DHRSX: variants seen among roughly 807,000 people sequenced by gnomAD.
DHRSX encodes polyprenol dehydrogenase.
A neutral mutation model predicts 34.0 loss-of-function variants in DHRSX; 31 were observed. The observed-to-expected ratio is 0.91, with a 90% CI of 0.69 to 1.23. The LOEUF (loss-of-function observed/expected upper bound fraction) is 1.23. Among genes scored for constraint, DHRSX ranks in the 50% most tolerant of loss-of-function variants. DHRSX has a pLI of 0.00. For synonymous variants in DHRSX, 201 were observed against 183.8 expected (o/e 1.09, Z -0.76); for missense variants, 414 against 428.1 (o/e 0.97, Z 0.29).
intron 5 of DHRSX, chrX:2,261,879 G>A (rs1456280826): frequency 1.3e-5 from 2 of 152,212 alleles, no homozygotes; most frequent in African/African-American, 4.8e-5. Flanking sequence ...GCTGTACGAG[G>A]AAGGGGTGTT....
At position 2,468,919 on chromosome X, in the gene DHRSX, G is replaced by C. The variant is rs1313940840; in HGVS notation, c.109+31898C>G. ...ATAAGGCCAAGTGACCGCTGCCGTT[G>C]CACACTGAAGACGTTCCCTAAGTAT... is the stretch of plus-strand genomic sequence containing the variant. On this transcript the variant is annotated intron_variant, in intron 1 of 6. Transcript: ENST00000334651. Among the ~76,000 whole-genome samples the C allele has an allele frequency of 2.2e-5, 3 of 138,980 alleles. No homozygotes were observed. The East Asian group carries it at 6.9e-4, about 32-fold the overall frequency. 91.2% of individuals were successfully genotyped at this position (138,980 alleles called of 152,430 possible). A position where few individuals can be genotyped will look rare whatever the true frequency, so the allele number is the denominator to read the frequency against.
At chrX:2,283,997 A>AATTC (rs201923772) in intron 4 of DHRSX, among the ~76,000 whole-genome samples, 2 of 129,926 alleles carry the variant, frequency 1.5e-5, no homozygotes, top group African/African-American at 7.0e-5. Flanking sequence ...CATTCCTTTG[A>AATTC]ATTCATTCAT....
chrX:2,306,336 C>A (rs1476368768), intron 3 of DHRSX, among the ~76,000 whole-genome samples: 3 of 152,066 alleles, frequency 2.0e-5, no homozygotes, highest in Non-Finnish European at 4.4e-5. Flanking sequence ...TCAAGCCCTG[C>A]AGCAGGGGAA....
chrX:2,325,230 T>A (rs765792281), intron 3 of DHRSX, among the ~76,000 whole-genome samples: 2 of 151,890 alleles, frequency 1.3e-5, no homozygotes, highest in Non-Finnish European at 2.9e-5. Context: ...CGGCTCCATC[T>A]TCCCGGGAGG....
At chrX:2,373,256 C>A (rs757462712) in intron 3 of DHRSX, among the ~76,000 whole-genome samples, 1 of 152,336 alleles carries the variant, frequency 6.6e-6, no homozygotes, top group African/African-American at 2.4e-5. Flanking sequence ...AGGTGGGAAT[C>A]ATTACAATTC....
intron 3 of DHRSX, among the ~76,000 whole-genome samples, chrX:2,316,166 C>A (rs1372299417): frequency 2.6e-5 from 4 of 151,940 alleles, no homozygotes; most frequent in East Asian, 2.0e-4. Context: ...CCGGCCAAGT[C>A]TCATTTTCAT....
intron 3 of DHRSX, among the ~76,000 whole-genome samples, chrX:2,363,804 C>T (rs1164838022): frequency 1.3e-5 from 2 of 152,044 alleles, no homozygotes; most frequent in Admixed American, 1.3e-4. Context: ...ATCATGCTGC[C>T]ATTTCATCAC....
At chrX:2,424,236 A>G (rs1465633784) in intron 2 of DHRSX, among the ~76,000 whole-genome samples, 1 of 151,372 alleles carries the variant, frequency 6.6e-6, no homozygotes, top group Non-Finnish European at 1.5e-5. Context: ...CCTGGATCTC[A>G]GACATCCAGC....
chrX:2,498,476 C>T (rs756157456), intron 1 of DHRSX, among the ~76,000 whole-genome samples: 20 of 152,098 alleles, frequency 1.3e-4, no homozygotes, highest in Admixed American at 9.8e-4. Context: ...GGAAGGGGCT[C>T]GATGAGGGCA....
chrX:2,308,486 A>C (rs1172624791), intron 3 of DHRSX, among the ~76,000 whole-genome samples: 3 of 152,164 alleles, frequency 2.0e-5, no homozygotes, highest in African/African-American at 7.2e-5. Context: ...GGCCCTAGTC[A>C]CACAAGACAG....
At position 2,462,971 on chromosome X, in the gene DHRSX, A is replaced by G. The variant is rs770692826; in HGVS notation, c.110-37667T>C. On this transcript the variant is annotated intron_variant, in intron 1 of 6. Coordinates refer to ENST00000334651, the MANE Select transcript of DHRSX (RefSeq NM_145177.3). ...GGGAGGTGATGACTTCATGGGGATC[A>G]AGCCTCATGAATAGGATCACTGTCC... 9.9e-5 allele frequency among the ~76,000 whole-genome samples: 15 copies of G among 152,214 alleles called. No homozygotes were observed. The South Asian group carries it at 2.1e-3, about 21-fold the overall frequency.
intron 4 of DHRSX, among the ~76,000 whole-genome samples, chrX:2,283,658 C>G (rs779546189): frequency 2.0e-5 from 3 of 152,186 alleles, no homozygotes; most frequent in African/African-American, 4.8e-5. Flanking sequence ...CACACCTGGG[C>G]TTCCCCGAAT....
intron 1 of DHRSX, among the ~76,000 whole-genome samples, chrX:2,438,799 A>C (rs1453291254): frequency 6.6e-6 from 1 of 151,948 alleles, no homozygotes; most frequent in African/African-American, 2.4e-5. Flanking sequence ...ATGTATACAC[A>C]TACATATATA....
chrX:2,489,513 G>A, intron 1 of DHRSX: 1 of 1,613,114 alleles, frequency 6.2e-7, no homozygotes, highest in Non-Finnish European at 8.5e-7. Flanking sequence ...TGCTTGAAGG[G>A]CTGCAGGAGC....
chrX:2,392,604 A>C (rs929966093), intron 3 of DHRSX: 1 of 160,364 alleles, frequency 6.2e-6, no homozygotes, highest in African/African-American at 2.5e-5. Flanking sequence ...ATTATGATAT[A>C]TGCTTATTAT....
chrX:2,499,017 A>C (rs1422974679), intron 1 of DHRSX, among the ~76,000 whole-genome samples: 2 of 152,238 alleles, frequency 1.3e-5, no homozygotes, highest in African/African-American at 4.8e-5. Context: ...AGCTTAGCTC[A>C]CAGAAAACTC....
In DHRSX at chrX:2,375,086, T is replaced by A. The variant is rs1466666243; in HGVS notation, c.286+33659A>T. ...CCTGCCTCTAAAACAGAAACATAAATAAACAAAAATGAAAATAAACTATCC... is the reference window on the plus strand; with the variant it reads ...CCTGCCTCTAAAACAGAAACATAAAAAAACAAAAATGAAAATAAACTATCC... On this transcript the variant is annotated intron_variant, in intron 3 of 6. Coordinates refer to ENST00000334651, the MANE Select transcript of DHRSX (RefSeq NM_145177.3). Among the ~76,000 whole-genome samples, 5 of 137,086 alleles carry A rather than the reference T, an allele frequency of 3.6e-5. 1 individual carries two copies. The South Asian group carries it at 1.1e-3, about 31-fold the overall frequency. 89.9% of individuals were successfully genotyped at this position (137,086 alleles called of 152,430 possible).
intron 3 of DHRSX, among the ~76,000 whole-genome samples, chrX:2,314,492 A>G (rs1465797456): frequency 2.5e-5 from 2 of 79,166 alleles, no homozygotes; most frequent in Admixed American, 1.3e-4. Flanking sequence ...GAAGGAAGGG[A>G]GGTAAAGGAG....
chrX:2,403,856 C>CAAA (rs529721291), intron 3 of DHRSX, among the ~76,000 whole-genome samples: 6 of 90,150 alleles, frequency 6.7e-5, no homozygotes, highest in East Asian at 3.4e-4. Context: ...AACTCTGTCT[C>CAAA]AAAAAAAAAA....
Sources: gnomAD v4.1 joint callset for allele counts (sites outside exome capture counted in the v4.1 genomes callset) on GRCh38, gnomAD v4.1.1 for gene constraint, MANE v1.5 for transcripts, NCBI Gene and HGNC (gene_info 2026-07-23, HGNC 2026-07-21) for gene names.